Variants in HTR1F observed in about 807,000 individuals in gnomAD.
The protein encoded by HTR1F is 5-hydroxytryptamine receptor 1F.
A neutral mutation model predicts 24.0 loss-of-function variants in HTR1F; 17 were observed. That is an observed-to-expected ratio of 0.71 (90% CI 0.48 to 1.06). The LOEUF (loss-of-function observed/expected upper bound fraction) is 1.06, where lower values mean the gene tolerates loss of function less well. Ranked by LOEUF, HTR1F falls within the 50% of genes least tolerant of loss-of-function variation. The probability of loss-of-function intolerance (pLI) is 0.00; values close to 1 mark genes in which losing one functional copy is unlikely to be tolerated. For synonymous variants in HTR1F, 186 were observed against 156.8 expected (o/e 1.19, Z -1.39); for missense variants, 391 against 427.8 (o/e 0.91, Z 0.76).
chr3:87,963,032 T>C (rs1291608114), intron 2 of HTR1F, among the ~76,000 whole-genome samples: 1 of 152,040 alleles, frequency 6.6e-6, no homozygotes, highest in Non-Finnish European at 1.5e-5. Context: ...TTCAGTAATT[T>C]GCTAAGATTA....
At chr3:87,867,720 TAAATC>T (rs986237956) in intron 2 of HTR1F, among the ~76,000 whole-genome samples, 1 of 152,116 alleles carries the variant, frequency 6.6e-6, no homozygotes, top group Non-Finnish European at 1.5e-5. Context: ...AAATTCTACT[TAAATC>T]ATATTACTAA....
At chr3:87,933,477 C>T (rs1186479694) in intron 2 of HTR1F, among the ~76,000 whole-genome samples, 1 of 152,168 alleles carries the variant, frequency 6.6e-6, no homozygotes, top group African/African-American at 2.4e-5. Context: ...CTCAAAATCT[C>T]CTTAAGCTGA....
At chr3:87,984,388 ATTTGT>A (rs1227534404) in intron 2 of HTR1F, among the ~76,000 whole-genome samples, 3 of 149,516 alleles carry the variant, frequency 2.0e-5, no homozygotes, top group Non-Finnish European at 4.5e-5. Flanking sequence ...TGCTGTTTTG[ATTTGT>A]TTTGTTTTGT....
chr3:87,883,123 G>T (rs1193363214), intron 2 of HTR1F, among the ~76,000 whole-genome samples: 1 of 152,188 alleles, frequency 6.6e-6, no homozygotes, highest in Non-Finnish European at 1.5e-5. Context: ...AGCAATATTT[G>T]CTGTGCTGCA....
chr3:87,891,137 A>C (rs1706073869), intron 2 of HTR1F, among the ~76,000 whole-genome samples: 1 of 152,100 alleles, frequency 6.6e-6, no homozygotes, highest in Non-Finnish European at 1.5e-5. Context: ...CACCGCACCC[A>C]GCTCACTTAT....
intron 2 of HTR1F, among the ~76,000 whole-genome samples, chr3:87,935,451 G>C (rs1027898929): frequency 2.0e-5 from 3 of 151,754 alleles, no homozygotes; most frequent in African/African-American, 7.3e-5. Context: ...CCAGGGTGAG[G>C]CTTCTGCAAG....
chr3:87,794,918 A>T (rs945694977), intron 1 of HTR1F, among the ~76,000 whole-genome samples: 2 of 150,892 alleles, frequency 1.3e-5, no homozygotes, highest in South Asian at 2.1e-4. Context: ...TTCTTAGAAG[A>T]TATTTTATTT....
intron 2 of HTR1F, among the ~76,000 whole-genome samples, chr3:87,864,901 AAAAAAG>A (rs1171507260): frequency 1.4e-4 from 20 of 146,448 alleles, no homozygotes; most frequent in East Asian, 1.2e-3. Flanking sequence ...CAAAAAAAAA[AAAAAAG>A]AAAAGAAAAG....
intron 2 of HTR1F, among the ~76,000 whole-genome samples, chr3:87,983,567 C>A (rs1431868046): frequency 6.6e-6 from 1 of 152,154 alleles, no homozygotes; most frequent in East Asian, 1.9e-4. Flanking sequence ...ATCAGGACCT[C>A]AAATTACTCA....
At chr3:87,853,029 T>A (rs538957488) in intron 2 of HTR1F, among the ~76,000 whole-genome samples, 1 of 151,326 alleles carries the variant, frequency 6.6e-6, no homozygotes, top group African/African-American at 2.4e-5. Context: ...AATATTCAGA[T>A]CAATTCCTCT....
intron 2 of HTR1F, among the ~76,000 whole-genome samples, chr3:87,944,479 T>C (rs1161512517): frequency 6.6e-6 from 1 of 152,222 alleles, no homozygotes; most frequent in East Asian, 1.9e-4. Context: ...ATTGTGGTTT[T>C]TTCCTCAACC....
chr3:87,934,174 T>G (rs986842552), intron 2 of HTR1F, among the ~76,000 whole-genome samples: 1 of 152,012 alleles, frequency 6.6e-6, no homozygotes, highest in African/African-American at 2.4e-5. Flanking sequence ...TCAAAGCATA[T>G]CAAGAAAACA....
intron 2 of HTR1F, among the ~76,000 whole-genome samples, chr3:87,823,629 C>T (rs1472831379): frequency 6.6e-6 from 1 of 151,788 alleles, no homozygotes; most frequent in Non-Finnish European, 1.5e-5. Flanking sequence ...ATCCTCCCAC[C>T]TCAGCCTCCC....
intron 2 of HTR1F, among the ~76,000 whole-genome samples, chr3:87,904,312 G>A (rs1703608865): frequency 6.6e-6 from 1 of 152,108 alleles, no homozygotes; most frequent in Non-Finnish European, 1.5e-5. Context: ...AAACTGTTTA[G>A]CAGTATCTGC....
At chr3:87,913,033 A>C (rs1337945173) in intron 2 of HTR1F, among the ~76,000 whole-genome samples, 1 of 152,118 alleles carries the variant, frequency 6.6e-6, no homozygotes, top group Non-Finnish European at 1.5e-5. Context: ...CAATAGGCAA[A>C]TATTTTATGA....
chr3:87,854,880 G>T (rs1705164993), intron 2 of HTR1F, among the ~76,000 whole-genome samples: 1 of 151,908 alleles, frequency 6.6e-6, no homozygotes, highest in South Asian at 2.1e-4. Context: ...TGTCATTCTA[G>T]AAATGTTATT....
intron 2 of HTR1F, among the ~76,000 whole-genome samples, chr3:87,899,191 T>C (rs887146568): frequency 2.6e-5 from 4 of 152,344 alleles, no homozygotes; most frequent in South Asian, 2.1e-4. Flanking sequence ...AAATAATGTA[T>C]TAAGGAAACC....
chr3:87,956,156 T>G (rs1345984370), intron 2 of HTR1F, among the ~76,000 whole-genome samples: 2 of 151,388 alleles, frequency 1.3e-5, no homozygotes, highest in East Asian at 3.9e-4. Context: ...TTCTCCAGTG[T>G]TGTATGTTTT....
intron 2 of HTR1F, among the ~76,000 whole-genome samples, chr3:87,984,826 A>G (rs1705628088): frequency 6.6e-6 from 1 of 152,218 alleles, no homozygotes; most frequent in Admixed American, 6.5e-5. Flanking sequence ...AAGTTCTTAA[A>G]GGAATAAATG....
Sources: allele counts gnomAD v4.1 joint callset (sites outside exome capture counted in the v4.1 genomes callset), GRCh38; gene constraint gnomAD v4.1.1; transcripts MANE v1.5; gene names NCBI Gene and HGNC (gene_info 2026-07-23, HGNC 2026-07-21).